The following NALF1 variants were observed in gnomAD, a reference collection of about 807,000 sequenced individuals.
NALF1 encodes NALCN channel auxiliary factor 1, also known as family with sequence similarity 155 member A.
In NALF1, 3 loss-of-function variants were observed where a neutral mutation model predicts 48.4. That is an observed-to-expected ratio of 0.06 (90% CI 0.03 to 0.16). The LOEUF is 0.16. NALF1 is among the 10% of genes least tolerant of loss of function. The pLI, the probability that NALF1 is intolerant of heterozygous loss-of-function variation, is 1.00. For synonymous variants in NALF1, 262 were observed against 245.7 expected, an observed-to-expected ratio of 1.07 and a Z score of -0.62; for missense variants, 526 against 571.5, an observed-to-expected ratio of 0.92 and a Z score of 0.81.
chr13:107,769,974 G>T (rs1004623419), intron 1 of NALF1, among the ~76,000 whole-genome samples: 2 of 152,090 alleles, frequency 1.3e-5, no homozygotes, highest in African/African-American at 4.8e-5. Context: ...GTGCAGTGGC[G>T]CGGTCTCGGC....
At chr13:107,341,212 TC>T (rs1882674394) in intron 1 of NALF1, among the ~76,000 whole-genome samples, 1 of 152,110 alleles carries the variant, frequency 6.6e-6, no homozygotes, top group Non-Finnish European at 1.5e-5. Flanking sequence ...ATACTTCTCA[TC>T]AGCCTACTTT....
chr13:107,699,414 T>C (rs916261774), intron 1 of NALF1, among the ~76,000 whole-genome samples: 5 of 152,108 alleles, frequency 3.3e-5, no homozygotes, highest in African/African-American at 1.2e-4. Context: ...TAAAACTCAA[T>C]TATTCTGAAT....
At chr13:107,513,788 A>C (rs1034400147) in intron 1 of NALF1, among the ~76,000 whole-genome samples, 1 of 152,220 alleles carries the variant, frequency 6.6e-6, no homozygotes, top group Admixed American at 6.5e-5. Context: ...GCCATCCCAA[A>C]ATAGAAAGAA....
chr13:107,661,845 T>C (rs1376900714), intron 1 of NALF1, among the ~76,000 whole-genome samples: 2 of 152,336 alleles, frequency 1.3e-5, no homozygotes, highest in East Asian at 3.9e-4. Flanking sequence ...ACACCTGCTA[T>C]AGCTCTACTC....
intron 2 of NALF1, among the ~76,000 whole-genome samples, chr13:107,179,707 A>G (rs1328452813): frequency 2.7e-5 from 4 of 148,848 alleles, no homozygotes; most frequent in East Asian, 1.9e-4. Context: ...ATATTTTCTG[A>G]GTTCTAGAGG....
At chr13:107,353,148 C>T (rs1003758659) in intron 1 of NALF1, among the ~76,000 whole-genome samples, 2 of 152,142 alleles carry the variant, frequency 1.3e-5, no homozygotes, top group Admixed American at 6.6e-5. Context: ...CCCCCCACTT[C>T]CCTACGGAAA....
chr13:107,815,150 T>C (rs1239819036), intron 1 of NALF1, among the ~76,000 whole-genome samples: 1 of 152,138 alleles, frequency 6.6e-6, no homozygotes, highest in African/African-American at 2.4e-5. Context: ...AAAAAAAAGA[T>C]ACATTTGATT....
chr13:107,533,693 G>A (rs942062914), intron 1 of NALF1, among the ~76,000 whole-genome samples: 14 of 152,012 alleles, frequency 9.2e-5, no homozygotes, highest in African/African-American at 2.9e-4. Flanking sequence ...TATTCCAAAG[G>A]CCATCTTTCA....
chr13:107,532,433 T>C (rs1480153599), intron 1 of NALF1, among the ~76,000 whole-genome samples: 2 of 152,088 alleles, frequency 1.3e-5, no homozygotes, highest in African/African-American at 4.8e-5. Context: ...TTCTCAGTGT[T>C]ACAATGCTTT....
chr13:107,772,554 A>G (rs1038474582), intron 1 of NALF1, among the ~76,000 whole-genome samples: 1 of 152,182 alleles, frequency 6.6e-6, no homozygotes, highest in Non-Finnish European at 1.5e-5. Context: ...ATGCTATGTG[A>G]AAAAAAGTCC....
intron 1 of NALF1, among the ~76,000 whole-genome samples, chr13:107,631,689 C>A (rs1352622670): frequency 1.3e-5 from 2 of 151,950 alleles, no homozygotes; most frequent in Non-Finnish European, 2.9e-5. Context: ...ACAGGCTTGC[C>A]GAGACCTCAA....
chr13:107,250,741 A>G (rs968783861), intron 1 of NALF1, among the ~76,000 whole-genome samples: 1 of 151,912 alleles, frequency 6.6e-6, no homozygotes, highest in Non-Finnish European at 1.5e-5. Context: ...GCCCAAACTC[A>G]TGTCCATTTG....
chr13:107,456,938 T>G (rs566105225), intron 1 of NALF1, among the ~76,000 whole-genome samples: 3 of 152,290 alleles, frequency 2.0e-5, no homozygotes, highest in Admixed American at 2.0e-4. Flanking sequence ...CTTGTTTTTA[T>G]TTAGCTCATG....
At chr13:107,629,713 T>A (rs1359749430) in intron 1 of NALF1, among the ~76,000 whole-genome samples, 1 of 152,208 alleles carries the variant, frequency 6.6e-6, no homozygotes, top group East Asian at 1.9e-4. Flanking sequence ...CCAACTCTTA[T>A]AAATGCTACT....
rs1274640311 is a variant in NALF1, at chr13:107,633,780, G to GAT, written c.915+231900_915+231901dup. The stretch of plus-strand genomic sequence containing the variant: ...TGGAAAATATATATATTTATATATG[G>GAT]ATATATATATATTCTATATATATGG... On this transcript the variant is annotated intron_variant, in intron 1 of 2. Coordinates refer to ENST00000375915, the MANE Select transcript of NALF1 (RefSeq NM_001080396.3). Among the ~76,000 whole-genome samples, 3 of 140,618 alleles carry GAT rather than the reference G, an allele frequency of 2.1e-5. No homozygotes were observed. In the East Asian group the frequency reaches 6.1e-4, roughly 29 times the overall value. The allele number at this position is 140,618 out of a possible 152,430, so 92.3% of individuals were successfully genotyped here. A position where few individuals can be genotyped will look rare whatever the true frequency, so the allele number is the denominator to read the frequency against.
chr13:107,276,865 T>C (rs1881291867), intron 1 of NALF1, among the ~76,000 whole-genome samples: 1 of 152,160 alleles, frequency 6.6e-6, no homozygotes, highest in Non-Finnish European at 1.5e-5. Context: ...AATATAAGAA[T>C]TTTAACTACT....
At chr13:107,599,713 T>G (rs1878869026) in intron 1 of NALF1, among the ~76,000 whole-genome samples, 1 of 152,206 alleles carries the variant, frequency 6.6e-6, no homozygotes, top group South Asian at 2.1e-4. Flanking sequence ...CTATCCAGTC[T>G]TCTGTGAATT....
At chr13:107,601,264 A>G (rs2138424761) in intron 1 of NALF1, among the ~76,000 whole-genome samples, 1 of 152,206 alleles carries the variant, frequency 6.6e-6, no homozygotes, top group East Asian at 1.9e-4. Context: ...TGTGCTGACC[A>G]GGATCGAGGT....
In NALF1 at chr13:107,216,065, C is replaced by G. The variant is rs142450667; in HGVS notation, c.916-5310G>C. Among the ~76,000 whole-genome samples the G allele has an allele frequency of 7.3e-3, 1,116 of 152,298 alleles. 11 individuals are homozygous for G. The highest frequency in any genetic ancestry group is 0.025 in the African/African-American group (1,045 of 41,552). On this transcript the variant is annotated intron_variant, in intron 1 of 2. Transcript: ENST00000375915. ...ATCAAGAGGCTAAGCAGCTGCTCTC[C>G]CTTTTCCCCCACTTATTAGTAAGGA...
Sources: gnomAD v4.1 joint callset for allele counts (sites outside exome capture counted in the v4.1 genomes callset) on GRCh38, gnomAD v4.1.1 for gene constraint, MANE v1.5 for transcripts, NCBI Gene and HGNC (gene_info 2026-07-23, HGNC 2026-07-21) for gene names.